Variants in ARNT observed in about 807,000 individuals in gnomAD.
ARNT encodes the protein aryl hydrocarbon receptor nuclear translocator.
A neutral mutation model predicts 105.0 loss-of-function variants in ARNT; 30 were observed. That is an observed-to-expected ratio of 0.29 (90% CI 0.21 to 0.39). ARNT has a LOEUF of 0.39. ARNT is among the 10% of genes least tolerant of loss of function. The pLI, the probability that ARNT is intolerant of heterozygous loss-of-function variation, is 1.00. For synonymous variants in ARNT, 304 were observed against 344.0 expected, an observed-to-expected ratio of 0.88 and a Z score of 1.29; for missense variants, 748 against 978.7, an observed-to-expected ratio of 0.76 and a Z score of 3.15.
chr1:150,841,553 G>GA (rs1464906252), intron 5 of ARNT, among the ~76,000 whole-genome samples: 2 of 151,862 alleles, frequency 1.3e-5, no homozygotes, highest in African/African-American at 4.8e-5. Context: ...GGAAATAGTA[G>GA]AAAAAAGGGG....
intron 7 of ARNT, among the ~76,000 whole-genome samples, chr1:150,836,001 G>GA (rs954542438): frequency 2.1e-4 from 31 of 146,860 alleles, no homozygotes; most frequent in South Asian, 4.3e-4. Context: ...TTTTAGAACG[G>GA]AAAAAAAAAA....
At position 150,813,327 on chromosome 1, in the gene ARNT, C is replaced by T; in HGVS notation, c.2125G>A (p.Gly709Arg). 6.2e-7 allele frequency: 1 copy of T among 1,608,186 alleles called. No individual in the cohort carries two copies. Among genetic ancestry groups the T allele is most frequent in the Non-Finnish European group, 8.5e-7 (1 of 1,176,748 alleles). Reference protein sequence around the residue: ...NRGSNFAPETGQTAGQFQTRT... With the variant: ...NRGSNFAPETRQTAGQFQTRT... ...GTCTGGAATTGTCCTGCAGTCTGTC[C>T]AGTCTCAGGAGCTAGAAATACAGCA... Residue 709 changes from glycine (G) to arginine (R), a missense_variant, in exon 21 of 22, where the codon GGA becomes AGA. Around this residue, in one of 4 missense-constraint regions of ARNT, gnomAD observed 360 missense variants for 411.9 expected, o/e 0.87. Coordinates refer to ENST00000358595, the MANE Select transcript of ARNT (RefSeq NM_001668.4).
chr1:150,823,614 G>A (rs1304199832), intron 13 of ARNT, among the ~76,000 whole-genome samples: 12 of 146,842 alleles, frequency 8.2e-5, no homozygotes, highest in East Asian at 2.0e-4. Flanking sequence ...GCAGTGGCAC[G>A]ATCTCTGCTC....
At chr1:150,840,526 T>C (rs747494138) in intron 5 of ARNT, among the ~76,000 whole-genome samples, 2 of 152,238 alleles carry the variant, frequency 1.3e-5, no homozygotes, top group Admixed American at 6.5e-5. Context: ...TTTGAAGATT[T>C]TGAAGTTTTA....
intron 13 of ARNT, among the ~76,000 whole-genome samples, chr1:150,824,634 T>C (rs587715018): frequency 2.8e-4 from 42 of 151,864 alleles, no homozygotes; most frequent in African/African-American, 1.0e-3. Context: ...TTTGTATTTT[T>C]AGTAGAGACG....
At chr1:150,846,367 G>A in intron 3 of ARNT, 60 bp from the exon 4 acceptor site, 2 of 1,539,740 alleles carry the variant, frequency 1.3e-6, no homozygotes, top group East Asian at 2.3e-5. Flanking sequence ...ATTTCACTCT[G>A]AAAAGTAAAC....
chr1:150,864,442 A>G (rs1666181332), intron 1 of ARNT, among the ~76,000 whole-genome samples: 1 of 152,036 alleles, frequency 6.6e-6, no homozygotes, highest in Admixed American at 6.6e-5. Context: ...ATAAAAAATG[A>G]TGAGTTCATG....
chr1:150,817,943 C>A lies in ARNT; in HGVS notation c.1482G>T (p.Met494Ile), dbSNP rs1447337258. 1.2e-6 allele frequency: 2 copies of A among 1,613,404 alleles called. No individual in the cohort carries two copies. Among genetic ancestry groups the A allele is most frequent in the Admixed American group, 1.7e-5 (1 of 59,974 alleles). ...ACCTGGGTGCCAGCTGTCCTGAGCC[C>A]ATCTCCAGGGGTAAATTAGCTGTGG... ...LGPTANLPLE[M>I]GSGQLAPRQQ... The change falls in exon 15 of 22, where the codon ATG becomes ATT. Residue 494 changes from methionine to isoleucine, a missense_variant. By Grantham distance (10) the Met-to-Ile change is conservative. Around this residue, in one of 4 missense-constraint regions of ARNT, gnomAD observed 360 missense variants for 411.9 expected, o/e 0.87. Transcript: ENST00000358595.
At chr1:150,856,123 T>C (rs1032255376) in intron 2 of ARNT, among the ~76,000 whole-genome samples, 5 of 152,218 alleles carry the variant, frequency 3.3e-5, no homozygotes, top group African/African-American at 1.2e-4. Flanking sequence ...CTTTCTAACT[T>C]TCTGTATTTT....
At chr1:150,831,653 G>T in intron 10 of ARNT, 165 bp downstream of exon 10, 1 of 565,100 alleles carries the variant, frequency 1.8e-6, no homozygotes, top group Non-Finnish European at 3.1e-6. Context: ...TGGAATAAAA[G>T]CTCAATAATG....
intron 3 of ARNT, among the ~76,000 whole-genome samples, chr1:150,851,421 G>T (rs1278265930): frequency 9.2e-5 from 14 of 152,376 alleles, no homozygotes; most frequent in Non-Finnish European, 1.9e-4. Flanking sequence ...ATAGAAAAGG[G>T]GGAAATGTGG....
At chr1:150,873,610 C>T (rs1667809232) in intron 1 of ARNT, among the ~76,000 whole-genome samples, 1 of 152,138 alleles carries the variant, frequency 6.6e-6, no homozygotes, top group African/African-American at 2.4e-5. Context: ...CATGTTCAAG[C>T]ACTATTACTA....
chr1:150,823,801 C>T (rs1262912407), intron 13 of ARNT, among the ~76,000 whole-genome samples: 4 of 150,302 alleles, frequency 2.7e-5, no homozygotes, highest in East Asian at 2.0e-4. Flanking sequence ...CCGCCCGCCT[C>T]GGCCTCCCAA....
At chr1:150,813,582 A>G (rs1655188576) in intron 20 of ARNT, among the ~76,000 whole-genome samples, 1 of 152,184 alleles carries the variant, frequency 6.6e-6, no homozygotes, top group South Asian at 2.1e-4. Context: ...TTAAATGTAT[A>G]AAAATTCACA....
intron 2 of ARNT, among the ~76,000 whole-genome samples, chr1:150,854,577 C>A (rs2102229976): frequency 1.3e-5 from 2 of 151,996 alleles, no homozygotes; most frequent in Non-Finnish European, 2.9e-5. Context: ...AGAAAAGGGG[C>A]CAGCCACTGT....
intron 13 of ARNT, 134 bp downstream of exon 13, chr1:150,826,409 C>T (rs754378263): frequency 1.8e-5 from 12 of 682,370 alleles, no homozygotes; most frequent in Non-Finnish European, 3.0e-5. Flanking sequence ...TTTTCTATTC[C>T]TTAAAAATGC....
intron 8 of ARNT, 32 bp downstream of exon 8, chr1:150,834,506 T>C: frequency 6.2e-7 from 1 of 1,601,884 alleles, no homozygotes; most frequent in South Asian, 1.1e-5. Flanking sequence ...ATCCTTCCTA[T>C]ACCAAATCAC....
At chr1:150,824,131 G>A (rs1346522092) in intron 13 of ARNT, among the ~76,000 whole-genome samples, 1 of 151,944 alleles carries the variant, frequency 6.6e-6, no homozygotes, top group East Asian at 1.9e-4. Context: ...GTGAGCCACT[G>A]AGCCCGGCCA....
Position 150,816,420 on chromosome 1 carries a change from AAT to A in ARNT, c.1803-16_1803-15del. 1 of 1,597,564 alleles carries A rather than the reference AAT, an allele frequency of 6.3e-7. No homozygotes were observed. Among genetic ancestry groups the A allele is most frequent in the Non-Finnish European group, 8.5e-7 (1 of 1,175,168 alleles). The stretch of plus-strand genomic sequence containing the variant: ...AGGCCACTATTCCTAGGAGTGAATA[AAT>A]GAGGTAAAAGATTAAAAGGATAGAT... On this transcript the variant is annotated splice_polypyrimidine_tract_variant and intron_variant, in intron 18 of 21. Coordinates refer to ENST00000358595, the MANE Select transcript of ARNT (RefSeq NM_001668.4).
Sources: allele counts gnomAD v4.1 joint callset (sites outside exome capture counted in the v4.1 genomes callset), GRCh38; gene constraint gnomAD v4.1.1; regional missense constraint gnomAD v4.1.1; transcripts MANE v1.5; gene names NCBI Gene and HGNC (gene_info 2026-07-23, HGNC 2026-07-21).